Variants in IKBKG observed in about 807,000 individuals in gnomAD.
The protein encoded by IKBKG is inhibitor of nuclear factor kappa B kinase regulatory subunit gamma, also known as NF-kappa-B essential modulator.
Under a neutral mutation model 13.7 loss-of-function variants are expected in IKBKG, and 2 were observed. The ratio of observed to expected loss-of-function variants is 0.15; its 90% CI spans 0.06 to 0.46. The LOEUF is 0.46. Ranked by LOEUF, IKBKG falls within the 20% of genes least tolerant of loss-of-function variation. IKBKG has a pLI of 0.98. For missense variants in IKBKG, 53 were observed against 150.3 expected (o/e 0.35, Z 3.39); for synonymous variants, 22 against 64.4 (o/e 0.34, Z 3.15).
upstream of IKBKG, chrX:154,546,061 T>C (rs137852340): frequency 3.1e-5 from 37 of 1,209,146 alleles, no homozygotes; most frequent in East Asian, 1.0e-3. Context: ...GATGAATATG[T>C]GTGTATCCGA....
upstream of IKBKG, among the ~76,000 whole-genome samples, chrX:154,543,490 G>A (rs2070585871): frequency 8.9e-6 from 1 of 112,146 alleles, no homozygotes; most frequent in Admixed American, 9.5e-5. Context: ...TCAATGAGGT[G>A]TCTAATAAGA....
chrX:154,546,900 G>A, upstream of IKBKG: 1 of 871,231 alleles, frequency 1.1e-6, no homozygotes, highest in Non-Finnish European at 1.5e-6. Context: ...GCGGGCGCCT[G>A]GGCTGAGCGG....
chrX:154,552,146 T>A lies in IKBKG; in HGVS notation c.144T>A (p.Pro48=). ...MLHLPSEQGA[P]ETLQRCLEEN... ...ACCTGCCTTCAGAACAGGGCGCTCC[T>A]GAGACCCTCCAGCGCTGCCTGGAGG... Residue 48 remains proline (P), a synonymous_variant, in exon 2 of 10, where the codon CCT becomes CCA. Coordinates refer to ENST00000594239, the MANE Select transcript of IKBKG (RefSeq NM_001099857.5). 8.4e-7 allele frequency: 1 copy of A among 1,193,236 alleles called. No individual in the cohort carries two copies. Among genetic ancestry groups the A allele is most frequent in the African/African-American group, 1.7e-5 (1 of 57,379 alleles).
chrX:154,546,312 T>C (rs2070713944), upstream of IKBKG: 2 of 759,661 alleles, frequency 2.6e-6, no homozygotes, highest in African/African-American at 2.1e-5. Flanking sequence ...CATTGGGGAG[T>C]GGTTGATGGG....
At chrX:154,554,508 G>A (rs148924418) in intron 2 of IKBKG, among the ~76,000 whole-genome samples, 3,218 of 112,080 alleles carry the variant, frequency 0.029, 107 homozygotes, top group African/African-American at 0.098. Context: ...CCTGTAATCC[G>A]AGCACTTTGG....
chrX:154,542,099 G>A (rs2070525150), intron 1 of IKBKG: 9 of 406,467 alleles, frequency 2.2e-5, no homozygotes, highest in Middle Eastern at 6.3e-4. Context: ...ATGAGTCACC[G>A]GGGCTTTGGG....
chrX:154,550,881 G>A (rs782584848), intron 1 of IKBKG, among the ~76,000 whole-genome samples: 3 of 109,602 alleles, frequency 2.7e-5, no homozygotes, highest in South Asian at 7.9e-4. Context: ...CGCGATCCCG[G>A]GTTCACGCCA....
At chrX:154,546,761 C>A, upstream of IKBKG, 2 of 1,127,365 alleles carry the variant, frequency 1.8e-6, no homozygotes, top group Non-Finnish European at 2.4e-6. Context: ...CGCTCCTCCG[C>A]CTGCGCGGCG....
chrX:154,544,019 C>A (rs2070609542), upstream of IKBKG, among the ~76,000 whole-genome samples: 1 of 109,848 alleles, frequency 9.1e-6, no homozygotes, highest in Non-Finnish European at 1.9e-5. Flanking sequence ...GGTGCCCACA[C>A]CAGGCCTGGC....
upstream of IKBKG, chrX:154,546,188 A>C (rs2148350646): frequency 1.7e-6 from 2 of 1,209,673 alleles, no homozygotes; most frequent in East Asian, 5.9e-5. Flanking sequence ...GCTCGTTAAC[A>C]AGGCAGAAGA....
intron 2 of IKBKG, among the ~76,000 whole-genome samples, chrX:154,555,350 C>T (rs1343437933): frequency 9.0e-6 from 1 of 111,713 alleles, no homozygotes; most frequent in Non-Finnish European, 1.9e-5. Flanking sequence ...CAATACCGAG[C>T]ATCTGAGGGC....
upstream of IKBKG, among the ~76,000 whole-genome samples, chrX:154,543,134 C>G (rs1199637224): frequency 8.9e-6 from 1 of 111,908 alleles, no homozygotes; most frequent in East Asian, 2.8e-4. Context: ...CCCATCTCCC[C>G]CACAGCAGGA....
rs1379240129 is a variant in IKBKG at position 154,549,452 on chromosome X, G to A, written c.-16+1707G>A. 1.3e-4 allele frequency among the ~76,000 whole-genome samples: 11 copies of A among 82,476 alleles called. No individual in the cohort carries two copies. The Admixed American group carries it at 1.3e-3, about 10-fold the overall frequency. The allele number at this position is 82,476 out of a possible 115,157, so 71.6% of individuals were successfully genotyped here. A position where few individuals can be genotyped will look rare whatever the true frequency, so the allele number is the denominator to read the frequency against. On this transcript the variant is annotated intron_variant, in intron 1 of 9. Coordinates refer to ENST00000594239, the MANE Select transcript of IKBKG (RefSeq NM_001099857.5). ...ACTCCCAGCTATTTTTTTTTTTTTT[G>A]TATTTTTGGTAAATACAGGGTTTTG...
At chrX:154,546,629 G>A (rs374690048), upstream of IKBKG, among the ~76,000 whole-genome samples, 1 of 111,665 alleles carries the variant, frequency 9.0e-6, no homozygotes, top group African/African-American at 3.3e-5. Flanking sequence ...GGGGTCTCAG[G>A]GGCTCAAGAG....
chrX:154,555,885 G>C, intron 2 of IKBKG, among the ~76,000 whole-genome samples: 1 of 112,864 alleles, frequency 8.9e-6, no homozygotes. Context: ...TGGCCAACAC[G>C]TACTTTTAAG....
At chrX:154,548,288 T>C (rs1557234229) in intron 1 of IKBKG, among the ~76,000 whole-genome samples, 1 of 111,599 alleles carries the variant, frequency 9.0e-6, no homozygotes, top group Non-Finnish European at 1.9e-5. Context: ...GTACAGGGCC[T>C]TGTAGGCCGT....
At chrX:154,542,136 C>A (rs2070526548) in intron 1 of IKBKG, 3 of 465,198 alleles carry the variant, frequency 6.4e-6, no homozygotes, top group Non-Finnish European at 1.1e-5. Flanking sequence ...CATGACACAG[C>A]AAGAATCTTA....
chrX:154,547,632 C>G lies in IKBKG; in HGVS notation c.-129C>G, dbSNP rs2070785559. ...CAGCTATGACACCGGAAGCCGGAAG[C>G]GTGGTAGGGAAGGGCGACCGCGAAA... On this transcript the variant is annotated 5_prime_UTR_variant, in exon 1 of 10. Coordinates refer to ENST00000594239, the MANE Select transcript of IKBKG (RefSeq NM_001099857.5). The G allele has an allele frequency of 1.3e-6, 1 of 753,731 alleles. No homozygotes were observed. Among genetic ancestry groups the G allele is most frequent in the Non-Finnish European group, 1.6e-6 (1 of 639,198 alleles). The allele number at this position is 753,731 out of a possible 1,213,427, so 62.1% of individuals were successfully genotyped here.
chrX:154,543,135 C>G (rs1251663149), upstream of IKBKG, among the ~76,000 whole-genome samples: 3 of 111,775 alleles, frequency 2.7e-5, no homozygotes, highest in Admixed American at 2.8e-4. Context: ...CCATCTCCCC[C>G]ACAGCAGGAA....
Sources: gnomAD v4.1 joint callset for allele counts (sites outside exome capture counted in the v4.1 genomes callset) on GRCh38, gnomAD v4.1.1 for gene constraint, MANE v1.5 for transcripts, NCBI Gene and HGNC (gene_info 2026-07-23, HGNC 2026-07-21) for gene names.